The following PMFBP1 variants were observed in gnomAD, a reference collection of about 807,000 sequenced individuals.
The protein encoded by PMFBP1 is polyamine-modulated factor 1-binding protein 1.
PMFBP1 carries 131 observed loss-of-function variants against 137.8 expected under a neutral mutation model. The observed-to-expected ratio is 0.95, with a 90% CI of 0.82 to 1.10. PMFBP1 has a LOEUF of 1.10. PMFBP1 is among the 50% of genes least tolerant of loss of function. The probability of loss-of-function intolerance (pLI) is 0.00; values close to 1 mark genes in which losing one functional copy is unlikely to be tolerated. For missense variants in PMFBP1, 1,199 were observed against 1,175.4 expected, an observed-to-expected ratio of 1.02 and a Z score of -0.29; for synonymous variants, 490 against 450.4, an observed-to-expected ratio of 1.09 and a Z score of -1.11.
At chr16:72,236,416 G>A in the PMFBP1 span, among the ~76,000 whole-genome samples, 2 of 152,144 alleles carry the variant, frequency 1.3e-5, no homozygotes, top group Non-Finnish European at 2.9e-5. Context: ...AGAGCTCAAA[G>A]GAACTTGCTA....
the PMFBP1 span, among the ~76,000 whole-genome samples, chr16:72,228,116 GA>G: frequency 3.3e-5 from 5 of 151,996 alleles, no homozygotes; most frequent in African/African-American, 1.2e-4. Context: ...ACATCTTAAG[GA>G]AAACTTCCCA....
At chr16:72,231,760 T>C in the PMFBP1 span, among the ~76,000 whole-genome samples, 1 of 152,172 alleles carries the variant, frequency 6.6e-6, no homozygotes, top group African/African-American at 2.4e-5. Flanking sequence ...CTGCAAAATT[T>C]TCTAAGTGTT....
chr16:72,227,153 T>C, the PMFBP1 span, among the ~76,000 whole-genome samples: 2 of 152,188 alleles, frequency 1.3e-5, no homozygotes, highest in Non-Finnish European at 2.9e-5. Context: ...TAGCTTAATG[T>C]CCGCATTTAA....
chr16:72,249,309 C>A, the PMFBP1 span, among the ~76,000 whole-genome samples: 1 of 150,636 alleles, frequency 6.6e-6, no homozygotes, highest in Non-Finnish European at 1.5e-5. Flanking sequence ...AATAAAAAAT[C>A]GTGAAGCAGG....
At chr16:72,147,485 C>T (rs1452278741) in intron 5 of PMFBP1, among the ~76,000 whole-genome samples, 5 of 152,160 alleles carry the variant, frequency 3.3e-5, no homozygotes, top group Non-Finnish European at 5.9e-5. Context: ...ATGACTAAAA[C>T]ACCAATAGCA....
In PMFBP1 at chr16:72,130,679, G is replaced by T; in HGVS notation, c.1491C>A (p.Gly497=). 1 of 1,613,574 alleles carries T rather than the reference G, an allele frequency of 6.2e-7. No homozygotes were observed. The highest frequency in any genetic ancestry group is 8.5e-7 in the Non-Finnish European group (1 of 1,179,964). ...TCCTCTGGGTGTCCTCCAGGTGACA[G>T]CCTGCCAGTGCAGCCTCTTCTTTGC... The part of the protein sequence containing the change: ...AQCKEEAALA[G]CHLEDTQRKL... The change falls in exon 11 of 21, where the codon GGC becomes GGA. Residue 497 remains glycine (G), a synonymous_variant. Coordinates refer to ENST00000237353, the MANE Select transcript of PMFBP1 (RefSeq NM_031293.3).
intron 5 of PMFBP1, among the ~76,000 whole-genome samples, chr16:72,142,491 A>G (rs892358423): frequency 1.3e-5 from 2 of 152,238 alleles, no homozygotes; most frequent in African/African-American, 4.8e-5. Context: ...CTAACAATGC[A>G]TCTCTAATAC....
upstream of PMFBP1, among the ~76,000 whole-genome samples, chr16:72,175,469 C>G (rs888354432): frequency 1.3e-5 from 2 of 152,184 alleles, no homozygotes; most frequent in African/African-American, 4.8e-5. Flanking sequence ...TTGACTCCCT[C>G]CCCAAGGAAC....
chr16:72,128,634 C>T, intron 14 of PMFBP1, 23 bp downstream of exon 14: 1 of 1,613,978 alleles, frequency 6.2e-7, no homozygotes, highest in African/African-American at 1.3e-5. Context: ...TTCCTCACTC[C>T]CTTGGGGTTC....
chr16:72,221,438 C>T, the PMFBP1 span, among the ~76,000 whole-genome samples: 1 of 152,180 alleles, frequency 6.6e-6, no homozygotes, highest in East Asian at 1.9e-4. Context: ...TTTATCCTGA[C>T]TGTGAAAATT....
In PMFBP1 at chr16:72,128,749, G is replaced by A. The variant is rs941085950; in HGVS notation, c.1996C>T (p.Arg666Ter). 1.2e-5 allele frequency: 20 copies of A among 1,613,912 alleles called. No individual in the cohort carries two copies. In the Admixed American group the frequency reaches 1.8e-4, roughly 15 times the overall value. Reference protein sequence around the residue: ...RKLEEENENLRAELQCCSTQL... With the variant: ...RKLEEENENL ...GTAGAACAACACTGTAGCTCTGCTC[G>A]GAGATTCTCATTTTCTTCCTCCAAC... Residue 666 changes from arginine (R) to a stop codon, truncating the protein, a stop_gained, in exon 14 of 21, where the codon CGA becomes TGA. Transcript: ENST00000237353. LOFTEE classifies it high-confidence loss of function.
At chr16:72,181,930 C>T in the PMFBP1 span, among the ~76,000 whole-genome samples, 4 of 152,014 alleles carry the variant, frequency 2.6e-5, no homozygotes, top group South Asian at 6.3e-4. Flanking sequence ...TGTCTTGGGC[C>T]GCATGTAAAA....
the PMFBP1 span, among the ~76,000 whole-genome samples, chr16:72,215,077 A>AT: frequency 6.6e-6 from 1 of 152,182 alleles, no homozygotes; most frequent in South Asian, 2.1e-4. Context: ...AAAAAATACT[A>AT]TACAGTGAGG....
chr16:72,131,894 G>A (rs1040247482), intron 10 of PMFBP1, among the ~76,000 whole-genome samples: 4 of 152,118 alleles, frequency 2.6e-5, no homozygotes, highest in Non-Finnish European at 5.9e-5. Flanking sequence ...TGCCCAGTCT[G>A]GAGTGCACTG....
chr16:72,156,012 A>T (rs998792270), intron 3 of PMFBP1, among the ~76,000 whole-genome samples: 2 of 152,082 alleles, frequency 1.3e-5, no homozygotes, highest in Non-Finnish European at 2.9e-5. Flanking sequence ...TTTGAGACAG[A>T]GTCTTGCTCC....
the PMFBP1 span, among the ~76,000 whole-genome samples, chr16:72,232,569 A>G: frequency 6.6e-6 from 1 of 152,190 alleles, no homozygotes; most frequent in Admixed American, 6.6e-5. Flanking sequence ...TTGAAACCCC[A>G]TTAGAAGACA....
chr16:72,243,342 CTT>C, the PMFBP1 span, among the ~76,000 whole-genome samples: 1 of 152,216 alleles, frequency 6.6e-6, no homozygotes, highest in Non-Finnish European at 1.5e-5. Flanking sequence ...TGCTGCAGCA[CTT>C]TGGGAGGATT....
the PMFBP1 span, among the ~76,000 whole-genome samples, chr16:72,215,848 TAGG>T: frequency 6.6e-6 from 1 of 152,124 alleles, no homozygotes; most frequent in African/African-American, 2.4e-5. Context: ...TGGAAGAAGT[TAGG>T]AGGGAAGTTC....
chr16:72,148,892 C>G (rs1396527589), intron 5 of PMFBP1, among the ~76,000 whole-genome samples: 1 of 152,204 alleles, frequency 6.6e-6, no homozygotes, highest in Admixed American at 6.5e-5. Context: ...CCAAGCACCT[C>G]TCCCTATGGG....
Sources: gnomAD v4.1 joint callset for allele counts (sites outside exome capture counted in the v4.1 genomes callset) on GRCh38, gnomAD v4.1.1 for gene constraint, MANE v1.5 for transcripts, NCBI Gene and HGNC (gene_info 2026-07-23, HGNC 2026-07-21) for gene names.